Variants in FRMPD2 observed in about 807,000 individuals in gnomAD.
FRMPD2 encodes FERM and PDZ domain containing 2.
A neutral mutation model predicts 140.1 loss-of-function variants in FRMPD2; 96 were observed. That is an observed-to-expected ratio of 0.69 (90% CI 0.58 to 0.81). The LOEUF is 0.81. Among genes scored for constraint, FRMPD2 ranks in the 40% least tolerant of loss-of-function variants. The probability of loss-of-function intolerance (pLI) is 0.00; values close to 1 mark genes in which losing one functional copy is unlikely to be tolerated. For synonymous variants in FRMPD2, 449 were observed against 547.6 expected (o/e 0.82, Z 2.52); for missense variants, 1,240 against 1,447.4 (o/e 0.86, Z 2.32).
intron 7 of FRMPD2, 70 bp from the exon 8 acceptor site, chr10:48,238,193 C>G: frequency 6.5e-7 from 1 of 1,533,238 alleles, no homozygotes; most frequent in Non-Finnish European, 8.8e-7. Flanking sequence ...AAAGACCACC[C>G]GCACAGGGGC....
At chr10:48,212,368 T>C (rs1393127268) in intron 12 of FRMPD2, among the ~76,000 whole-genome samples, 3 of 152,142 alleles carry the variant, frequency 2.0e-5, no homozygotes, top group Non-Finnish European at 4.4e-5. Flanking sequence ...CACATAAGGC[T>C]TTTCTGATTC....
At chr10:48,236,134 C>T (rs1277405020) in intron 9 of FRMPD2, among the ~76,000 whole-genome samples, 2 of 151,770 alleles carry the variant, frequency 1.3e-5, no homozygotes, top group African/African-American at 4.8e-5. Context: ...CTGTCTTTGC[C>T]GCCTCCTTCT....
At chr10:48,172,768 C>T (rs562016212) in intron 25 of FRMPD2, among the ~76,000 whole-genome samples, 178 bp downstream of exon 25, 1 of 152,258 alleles carries the variant, frequency 6.6e-6, no homozygotes, top group South Asian at 2.1e-4. Flanking sequence ...TTTCCAGAAA[C>T]CTATTCCATG....
At chr10:48,263,790 CATTCTATGAGGCCATA>C (rs1317205092) in intron 1 of FRMPD2, among the ~76,000 whole-genome samples, 1 of 152,110 alleles carries the variant, frequency 6.6e-6, no homozygotes, top group East Asian at 1.9e-4. Flanking sequence ...TTTCTTAATT[CATTCTATGAGGCCATA>C]ATTGTCCCAA....
intron 2 of FRMPD2, among the ~76,000 whole-genome samples, chr10:48,250,795 CT>C (rs34856884): frequency 0.17 from 20,114 of 117,004 alleles, 1,427 homozygotes; most frequent in African/African-American, 0.33. Flanking sequence ...GTAGGTCTGC[CT>C]TTTTTTTTTT....
chr10:48,176,427 C>A (rs1396624163), intron 22 of FRMPD2: 3 of 155,026 alleles, frequency 1.9e-5, no homozygotes, highest in African/African-American at 4.8e-5. Context: ...ATGACAGTAC[C>A]ATTTTTCTAC....
At chr10:48,236,864 A>T (rs1839978591) in intron 8 of FRMPD2, among the ~76,000 whole-genome samples, 1 of 152,252 alleles carries the variant, frequency 6.6e-6, no homozygotes, top group Non-Finnish European at 1.5e-5. Flanking sequence ...TCAAAAGTAT[A>T]AAATGTATAA....
intron 1 of FRMPD2, among the ~76,000 whole-genome samples, chr10:48,260,573 C>A (rs1438521158): frequency 6.6e-6 from 1 of 152,170 alleles, no homozygotes; most frequent in African/African-American, 2.4e-5. Flanking sequence ...ATCTGGGCAG[C>A]CCATGGCTTC....
At chr10:48,243,770 A>T (rs1421970088) in intron 4 of FRMPD2, among the ~76,000 whole-genome samples, 1 of 152,086 alleles carries the variant, frequency 6.6e-6, no homozygotes, top group African/African-American at 2.4e-5. Context: ...CGGATGTTGA[A>T]TTGGAGAGGG....
At chr10:48,236,455 C>T (rs777798871) in intron 9 of FRMPD2, 27 bp downstream of exon 9, 55 of 1,610,070 alleles carry the variant, frequency 3.4e-5, no homozygotes, top group Non-Finnish European at 2.3e-5. Context: ...CACCCTCCAT[C>T]CCTGCCCAGT....
chr10:48,253,125 T>A lies in FRMPD2; in HGVS notation c.26-1434A>T, dbSNP rs149588912. 7.9e-3 allele frequency among the ~76,000 whole-genome samples: 1,199 copies of A among 152,324 alleles called. 11 individuals are homozygous for A. The highest frequency in any genetic ancestry group is 0.024 in the African/African-American group (1,007 of 41,568). ...ATGGGTGGGGTTTTTTAAATTGCTT[T>A]ATGACTAGACAAAAATGCATTAAAA... On this transcript the variant is annotated intron_variant, in intron 1 of 28. Coordinates refer to ENST00000374201, the MANE Select transcript of FRMPD2 (RefSeq NM_001018071.4).
chr10:48,268,554 A>G (rs1032794588), intron 1 of FRMPD2, among the ~76,000 whole-genome samples: 2 of 152,236 alleles, frequency 1.3e-5, no homozygotes, highest in African/African-American at 4.8e-5. Context: ...TATTCATACC[A>G]TGGAATACTA....
At chr10:48,187,379 C>T (rs1304451258) in intron 16 of FRMPD2, 87 bp from the exon 17 acceptor site, 1 of 1,091,244 alleles carries the variant, frequency 9.2e-7, no homozygotes, top group Non-Finnish European at 1.4e-6. Context: ...GAGGCAACTT[C>T]TTGGCATTTC....
upstream of FRMPD2, chr10:48,274,863 A>G (rs571182806): frequency 6.4e-5 from 28 of 437,352 alleles, no homozygotes; most frequent in Non-Finnish European, 1.1e-4. Flanking sequence ...GAGAGCCAGG[A>G]AGAGCTCAAG....
At chr10:48,188,646 G>A (rs1213058167) in intron 16 of FRMPD2, among the ~76,000 whole-genome samples, 3 of 152,204 alleles carry the variant, frequency 2.0e-5, no homozygotes, top group Non-Finnish European at 4.4e-5. Flanking sequence ...GCGACAGGGC[G>A]CTCGTGTGCT....
intron 14 of FRMPD2, among the ~76,000 whole-genome samples, chr10:48,206,464 G>C (rs137913337): frequency 5.3e-4 from 81 of 152,292 alleles, no homozygotes; most frequent in African/African-American, 1.8e-3. Flanking sequence ...TTACCCAGAA[G>C]GAAAGTGTAG....
At chr10:48,188,691 G>A (rs1169702864) in intron 16 of FRMPD2, among the ~76,000 whole-genome samples, 2 of 152,244 alleles carry the variant, frequency 1.3e-5, no homozygotes, top group Admixed American at 6.5e-5. Flanking sequence ...TCTGGGAGGA[G>A]CCGAGAGAGG....
At chr10:48,216,074 C>G (rs1474620779) in intron 12 of FRMPD2, among the ~76,000 whole-genome samples, 2 of 152,180 alleles carry the variant, frequency 1.3e-5, no homozygotes, top group Non-Finnish European at 2.9e-5. Flanking sequence ...CATGCCAGTT[C>G]TTCTCTTGCC....
chr10:48,174,784 C>T lies in FRMPD2; in HGVS notation c.3075+86G>A, dbSNP rs1481400683. The T allele has an allele frequency of 9.7e-6, 9 of 929,724 alleles. No individual in the cohort carries two copies. In the East Asian group the frequency reaches 2.2e-4, roughly 23 times the overall value. The allele number at this position is 929,724 out of a possible 1,614,324, so 57.6% of individuals were successfully genotyped here. The stretch of plus-strand genomic sequence containing the variant: ...AAAGTCTTGTTTCTTGCCTGCCTCC[C>T]TCCCACCCAGAGGCGATTTCAGCTT... On this transcript the variant is annotated intron_variant, in intron 24 of 28. Coordinates refer to ENST00000374201, the MANE Select transcript of FRMPD2 (RefSeq NM_001018071.4).
Sources: allele counts gnomAD v4.1 joint callset (sites outside exome capture counted in the v4.1 genomes callset), GRCh38; gene constraint gnomAD v4.1.1; transcripts MANE v1.5; gene names NCBI Gene and HGNC (gene_info 2026-07-23, HGNC 2026-07-21).